The following ABCA8 variants were observed in gnomAD, a reference collection of about 807,000 sequenced individuals.
The protein encoded by ABCA8 is ABC-type organic anion transporter ABCA8.
ABCA8 carries 177 observed loss-of-function variants against 192.3 expected under a neutral mutation model. The ratio of observed to expected loss-of-function variants is 0.92; its 90% confidence interval spans 0.81 to 1.04. The LOEUF (loss-of-function observed/expected upper bound fraction) is 1.04. Among genes scored for constraint, ABCA8 ranks in the 50% least tolerant of loss-of-function variants. ABCA8 has a pLI of 0.00. For missense variants in ABCA8, 1,915 were observed against 1,904.8 expected (o/e 1.01, Z -0.10); for synonymous variants, 642 against 690.2 (o/e 0.93, Z 1.09).
intron 28 of ABCA8, 137 bp from the exon 29 acceptor site, chr17:68,884,019 A>G: frequency 1.6e-6 from 1 of 642,722 alleles, no homozygotes; most frequent in South Asian, 2.3e-5. Flanking sequence ...CCTATCCAGC[A>G]AATTGTGAAA....
chr17:68,911,178 A>G lies in ABCA8; in HGVS notation c.2139-3299T>C, dbSNP rs2067219915. ...TCTAGGCCTTGGCTCCTGGATCTGG[A>G]CTTGCCCCAGGCCAGAGGGGAGCCC... On this transcript the variant is annotated intron_variant, in intron 17 of 39. Coordinates refer to ENST00000586539, the MANE Select transcript of ABCA8 (RefSeq NM_001288985.2). This position sits in a 1 kb window ranked among gnomAD's most constrained non-coding sequence, Gnocchi z 5.7. 2.0e-5 allele frequency among the ~76,000 whole-genome samples: 3 copies of G among 152,098 alleles called. 1 individual carries two copies. In the South Asian group the frequency reaches 6.2e-4, roughly 32 times the overall value.
chr17:68,877,887 T>C, intron 32 of ABCA8: 1 of 454,408 alleles, frequency 2.2e-6, no homozygotes, highest in Non-Finnish European at 3.7e-6. Context: ...CAATCCAATC[T>C]CAGCTGAAAA....
chr17:68,948,205 T>G (rs1302335066), intron 2 of ABCA8, among the ~76,000 whole-genome samples: 1 of 152,152 alleles, frequency 6.6e-6, no homozygotes, highest in African/African-American at 2.4e-5. Context: ...GCAATAAACA[T>G]TATGTGTGCA....
chr17:68,946,418 A>T (rs1308436682), intron 2 of ABCA8, among the ~76,000 whole-genome samples: 2 of 152,172 alleles, frequency 1.3e-5, no homozygotes, highest in African/African-American at 4.8e-5. Context: ...GCTATACTCC[A>T]TTCACAATGA....
Position 68,918,475 on chromosome 17 carries a change from TC to T in ABCA8, c.1859del (p.Gly620AspfsTer6). 6.4e-7 allele frequency: 1 copy of T among 1,561,232 alleles called. No individual in the cohort carries two copies. On this transcript the variant is annotated frameshift_variant, in exon 15 of 40. Coordinates refer to ENST00000586539, the MANE Select transcript of ABCA8 (RefSeq NM_001288985.2). LOFTEE classifies it high-confidence loss of function. The part of the protein sequence containing the change: ...QDVLAQNLSG[G>X]QKRKLTFGIA... ...TCCCAAAGGTTAGCTTTCTTTTCTG[TC>T]CACCACTTAAGTTTTGAGCAAGAAC...
chr17:68,941,957 C>T lies in ABCA8; in HGVS notation c.78G>A (p.Met26Ile), dbSNP rs146145612. The change falls in exon 3 of 40, where the codon ATG becomes ATA. Residue 26 changes from methionine to isoleucine, a missense_variant. Physicochemically the swap from Met to Ile is conservative, Grantham distance 10 (BLOSUM62 1). Coordinates refer to ENST00000586539, the MANE Select transcript of ABCA8 (RefSeq NM_001288985.2). ...GTCATACCATTAAGGACTCTCTTTT[C>T]ATTCTCCATTTTTTAAGAAAGTTCT... ...LCKNFLKKWR[M>I]KRESLMEWLN... 729 of 1,610,564 alleles carry T rather than the reference C, an allele frequency of 4.5e-4. 2 individuals carry two copies. The African/African-American group carries it at 9.0e-3, about 20-fold the overall frequency.
chr17:68,903,443 C>G lies in ABCA8; in HGVS notation c.2455G>C (p.Val819Leu). 6.2e-7 allele frequency: 1 copy of G among 1,614,150 alleles called. No homozygotes were observed. ...GAAGAGAGGACTTGTTCCATCTCAA[C>G]AAGCCTTTCAGTGTCGTCAGCTTTT... ...AEKADDTERL[V>L]EMEQVLSSLN... The change falls in exon 20 of 40, where the codon GTT becomes CTT. Residue 819 changes from valine to leucine, a missense_variant. Val to Leu is a conservative substitution (Grantham distance 32). Coordinates refer to ENST00000586539, the MANE Select transcript of ABCA8 (RefSeq NM_001288985.2).
intron 19 of ABCA8, among the ~76,000 whole-genome samples, chr17:68,904,046 T>C (rs1046142773): frequency 6.6e-6 from 1 of 151,922 alleles, no homozygotes; most frequent in African/African-American, 2.4e-5. Flanking sequence ...CACCCGTAAA[T>C]GTATAAGTAC....
At chr17:68,875,171 G>C in intron 37 of ABCA8, 89 bp downstream of exon 37, 1 of 1,539,708 alleles carries the variant, frequency 6.5e-7, no homozygotes. Context: ...CTTTCTTTTA[G>C]GTTTTCCTTT....
At chr17:68,931,761 C>CATT (rs1491446635) in intron 7 of ABCA8, 1 of 96,194 alleles carries the variant, frequency 1.0e-5, no homozygotes, top group African/African-American at 3.5e-5. Context: ...AATACATTTC[C>CATT]TTTTTTTTTT....
chr17:68,929,043 T>C lies in ABCA8; in HGVS notation c.1125+6A>G. 6.7e-7 allele frequency: 1 copy of C among 1,486,570 alleles called. No homozygotes were observed. Among genetic ancestry groups the C allele is most frequent in the Non-Finnish European group, 9.0e-7 (1 of 1,112,202 alleles). 92.1% of individuals were successfully genotyped at this position (1,486,570 alleles called of 1,614,324 possible). On this transcript the variant is annotated splice_donor_region_variant and intron_variant, in intron 9 of 39. Transcript: ENST00000586539. ...GCCATTAATAGACATTCAGATGGCA[T>C]CTCACCTGGGCCATTCCAAGCATGA... is the stretch of plus-strand genomic sequence containing the variant.
At position 68,906,045 on chromosome 17, in the gene ABCA8, C is replaced by T. The variant is rs765558703; in HGVS notation, c.2397G>A (p.Ser799=). 3.0e-5 allele frequency: 48 copies of T among 1,580,882 alleles called. No homozygotes were observed. The highest frequency in any genetic ancestry group is 2.7e-4 in the South Asian group (23 of 85,510). The change falls in exon 19 of 40, where the codon TCG becomes TCA. Residue 799 remains serine (S), a splice_region_variant and synonymous_variant. Coordinates refer to ENST00000586539, the MANE Select transcript of ABCA8 (RefSeq NM_001288985.2). The stretch of plus-strand genomic sequence containing the variant: ...ATAATTTTCATGCATTTTATTTACC[C>T]GATTCATTAATTGTAGATTTTCCTT... ...KLEGKSTINE[S]DIAILGEVQA...
At chr17:68,954,473 C>T (rs190620614) in intron 1 of ABCA8, among the ~76,000 whole-genome samples, 71 of 152,144 alleles carry the variant, frequency 4.7e-4, no homozygotes, top group Non-Finnish European at 9.7e-4. Context: ...TAAAGGCTAG[C>T]AAAAACATGA....
At chr17:68,876,356 T>C in intron 35 of ABCA8, 104 bp downstream of exon 35, 1 of 1,350,564 alleles carries the variant, frequency 7.4e-7, no homozygotes, top group Non-Finnish European at 1.0e-6. Flanking sequence ...AGTTTTTTTG[T>C]TCTCCACAAA....
chr17:68,897,438 A>T (rs907236609), intron 21 of ABCA8, among the ~76,000 whole-genome samples: 4 of 152,214 alleles, frequency 2.6e-5, no homozygotes, highest in Non-Finnish European at 5.9e-5. Flanking sequence ...AACCAAAATT[A>T]TGAGACATGC....
In ABCA8 at chr17:68,887,461, C is replaced by G. The variant is rs2066494211; in HGVS notation, c.3190G>C (p.Ala1064Pro). 10 of 1,613,400 alleles carry G rather than the reference C, an allele frequency of 6.2e-6. No individual in the cohort carries two copies. Among genetic ancestry groups the G allele is most frequent in the Non-Finnish European group, 5.1e-6 (6 of 1,179,764 alleles). ...QLRISGLSPS[A>P]YWFGQALVDV... ...ACCAGCGCCTGCCCAAACCAGTAAGCAGAAGGGGAGAGTCCGGAAATCCGT... is the reference window on the plus strand; with the variant it reads ...ACCAGCGCCTGCCCAAACCAGTAAGGAGAAGGGGAGAGTCCGGAAATCCGT... Residue 1064 changes from alanine (A) to proline (P), a missense_variant, in exon 25 of 40, where the codon GCT becomes CCT. By Grantham distance (27) the Ala-to-Pro change is conservative (BLOSUM62 -1). Transcript: ENST00000586539.
chr17:68,877,823 T>C, intron 32 of ABCA8, 144 bp from the exon 33 acceptor site: 1 of 824,476 alleles, frequency 1.2e-6, no homozygotes, highest in Non-Finnish European at 1.7e-6. Context: ...CATTTTGCAT[T>C]GGAGAAAGGT....
chr17:68,876,442 C>A lies in ABCA8; in HGVS notation c.4370+18G>T. On this transcript the variant is annotated intron_variant, in intron 35 of 39. Transcript: ENST00000586539. Reference sequence around the variant, plus strand: ...GCAAGTCATCCGTGCTGTCCCTGACCGTGGTAATGTTCCTCACCACATTTG... The same window carrying A: ...GCAAGTCATCCGTGCTGTCCCTGACAGTGGTAATGTTCCTCACCACATTTG... The A allele has an allele frequency of 6.2e-7, 1 of 1,613,766 alleles. No homozygotes were observed. Among genetic ancestry groups the A allele is most frequent in the Non-Finnish European group, 8.5e-7 (1 of 1,179,732 alleles).
At chr17:68,929,501 C>A in intron 8 of ABCA8, 60 bp downstream of exon 8, 1 of 1,542,756 alleles carries the variant, frequency 6.5e-7, no homozygotes, top group Non-Finnish European at 8.8e-7. Flanking sequence ...AGTAATCAGT[C>A]GGAAACAAAC....
Sources: allele counts gnomAD v4.1 joint callset (sites outside exome capture counted in the v4.1 genomes callset), GRCh38; gene constraint gnomAD v4.1.1; non-coding constraint Gnocchi (gnomAD v3.1); transcripts MANE v1.5; gene names NCBI Gene and HGNC (gene_info 2026-07-23, HGNC 2026-07-21).